Variants in MBTD1 observed in about 807,000 individuals in gnomAD.
MBTD1 encodes mbt domain containing 1.
A neutral mutation model predicts 87.8 loss-of-function variants in MBTD1; 24 were observed. The ratio of observed to expected loss-of-function variants is 0.27; its 90% CI spans 0.20 to 0.38. The LOEUF (loss-of-function observed/expected upper bound fraction) is 0.38, where lower values mean the gene tolerates loss of function less well. Among genes scored for constraint, MBTD1 ranks in the 10% least tolerant of loss-of-function variants. The probability of loss-of-function intolerance (pLI) is 1.00; values close to 1 mark genes in which losing one functional copy is unlikely to be tolerated. For synonymous variants in MBTD1, 237 were observed against 248.6 expected (o/e 0.95, Z 0.44); for missense variants, 436 against 760.2 (o/e 0.57, Z 5.02).
intron 2 of MBTD1, among the ~76,000 whole-genome samples, chr17:51,239,318 T>C (rs1310750390): frequency 6.6e-6 from 1 of 152,226 alleles, no homozygotes; most frequent in Non-Finnish European, 1.5e-5. Context: ...CTTTATTATA[T>C]GATCATGTCC....
At chr17:51,229,870 C>T (rs1442716212) in intron 2 of MBTD1, among the ~76,000 whole-genome samples, 1 of 152,064 alleles carries the variant, frequency 6.6e-6, no homozygotes, top group African/African-American at 2.4e-5. Flanking sequence ...CCTCGTTAAC[C>T]AGGATGGTCT....
At chr17:51,252,713 G>A (rs1033507633) in intron 2 of MBTD1, among the ~76,000 whole-genome samples, 2 of 147,798 alleles carry the variant, frequency 1.4e-5, no homozygotes, top group East Asian at 2.0e-4. Flanking sequence ...CAGTCTGGGC[G>A]ACAGAGTGAG....
upstream of MBTD1, chr17:51,260,628 C>G (rs376256071): frequency 9.3e-6 from 15 of 1,612,560 alleles, no homozygotes; most frequent in African/African-American, 1.7e-4. Flanking sequence ...GACCGGAGAA[C>G]CGGAGCGAAG....
intron 9 of MBTD1, 68 bp from the exon 10 acceptor site, chr17:51,203,003 A>G (rs1353539192): frequency 1.5e-6 from 2 of 1,357,570 alleles, no homozygotes; most frequent in East Asian, 4.6e-5. Context: ...TTTGTATTAT[A>G]CTGTAAAAAA....
At chr17:51,209,535 T>C (rs1220178485) in intron 6 of MBTD1, 1 of 467,404 alleles carries the variant, frequency 2.1e-6, no homozygotes, top group Non-Finnish European at 4.4e-6. Flanking sequence ...TGTAAGAAAA[T>C]AAGTGGGTGG....
At chr17:51,190,654 C>T (rs561841779) in intron 16 of MBTD1, among the ~76,000 whole-genome samples, 5 of 131,654 alleles carry the variant, frequency 3.8e-5, no homozygotes, top group South Asian at 5.1e-4. Context: ...CCCGAGAAGT[C>T]GAGGCTGCAG....
chr17:51,218,276 C>G (rs1598361342), intron 5 of MBTD1, among the ~76,000 whole-genome samples: 2 of 152,194 alleles, frequency 1.3e-5, no homozygotes, highest in South Asian at 4.2e-4. Context: ...CACCTGTATT[C>G]CCAGCACTTT....
chr17:51,189,038 G>GT (rs1201084183), intron 16 of MBTD1, among the ~76,000 whole-genome samples: 3 of 152,124 alleles, frequency 2.0e-5, no homozygotes, highest in Non-Finnish European at 4.4e-5. Flanking sequence ...GATTATAGGC[G>GT]TGAGCCACCG....
Position 51,193,023 on chromosome 17 carries a change from C to G in MBTD1, c.1456-7G>C. On this transcript the variant is annotated splice_polypyrimidine_tract_variant and splice_region_variant and intron_variant, in intron 14 of 16. Transcript: ENST00000586178. Reference sequence around the variant, plus strand: ...ATCCGTGATTTGGAACATCCTGACACAGAGAAGAAAACATTAATATTGGTA... The same window carrying G: ...ATCCGTGATTTGGAACATCCTGACAGAGAGAAGAAAACATTAATATTGGTA... 1.3e-6 allele frequency: 2 copies of G among 1,589,312 alleles called. No homozygotes were observed. Among genetic ancestry groups the G allele is most frequent in the Non-Finnish European group, 8.6e-7 (1 of 1,158,674 alleles).
intron 3 of MBTD1, among the ~76,000 whole-genome samples, chr17:51,222,707 G>A (rs1244924818): frequency 2.0e-5 from 3 of 152,008 alleles, no homozygotes; most frequent in East Asian, 3.9e-4. Context: ...CGACACCCAG[G>A]TAGGTTTTAA....
intron 3 of MBTD1, among the ~76,000 whole-genome samples, chr17:51,222,075 T>C (rs1240155242): frequency 6.6e-6 from 1 of 152,170 alleles, no homozygotes; most frequent in African/African-American, 2.4e-5. Flanking sequence ...AAAGTTGTGA[T>C]CCCAAGGAAA....
chr17:51,247,563 C>A (rs2054521324), intron 2 of MBTD1, among the ~76,000 whole-genome samples: 1 of 151,950 alleles, frequency 6.6e-6, no homozygotes, highest in African/African-American at 2.4e-5. Flanking sequence ...ATCCTCCCAC[C>A]CCAGCCTCCC....
At chr17:51,226,022 G>A (rs899533734) in intron 2 of MBTD1, among the ~76,000 whole-genome samples, 5 of 149,938 alleles carry the variant, frequency 3.3e-5, no homozygotes, top group African/African-American at 7.3e-5. Context: ...CAGGTGATCC[G>A]CCCACCTCGG....
intron 6 of MBTD1, among the ~76,000 whole-genome samples, chr17:51,214,086 T>C (rs9789063): frequency 0.39 from 59,465 of 151,788 alleles, 13,194 homozygotes; most frequent in East Asian, 0.6. Context: ...CACATATATA[T>C]ATACATACAC....
At chr17:51,202,188 G>A (rs2143091095) in intron 10 of MBTD1, 111 bp from the exon 11 acceptor site, 1 of 693,470 alleles carries the variant, frequency 1.4e-6, no homozygotes, top group Non-Finnish European at 2.6e-6. Context: ...AACATGGCAA[G>A]AAGACATGCC....
At chr17:51,224,148 T>C (rs2053077789) in intron 3 of MBTD1, among the ~76,000 whole-genome samples, 1 of 152,180 alleles carries the variant, frequency 6.6e-6, no homozygotes, top group South Asian at 2.1e-4. Flanking sequence ...TGTGGGACTT[T>C]CAATGGTAAA....
intron 2 of MBTD1, among the ~76,000 whole-genome samples, chr17:51,232,853 C>A (rs1034989974): frequency 4.6e-5 from 7 of 151,506 alleles, no homozygotes; most frequent in Non-Finnish European, 4.4e-5. Context: ...GCCTGAGCAA[C>A]AAAGTGTGAC....
chr17:51,201,942 T>C, intron 11 of MBTD1, 80 bp downstream of exon 11: 1 of 994,336 alleles, frequency 1.0e-6, no homozygotes. Flanking sequence ...GTAATTGTGA[T>C]TTCCGTAATT....
At chr17:51,224,984 C>T (rs1156617261) in intron 3 of MBTD1, 24 bp downstream of exon 3, 59 of 1,453,772 alleles carry the variant, frequency 4.1e-5, no homozygotes, top group Non-Finnish European at 5.2e-5. Context: ...AGCTGTAGAA[C>T]AGGTGAAGGT....
Sources: gnomAD v4.1 joint callset for allele counts (sites outside exome capture counted in the v4.1 genomes callset) on GRCh38, gnomAD v4.1.1 for gene constraint, MANE v1.5 for transcripts, NCBI Gene and HGNC (gene_info 2026-07-23, HGNC 2026-07-21) for gene names.